The following TAS2R20 variants were observed in gnomAD, a reference collection of about 807,000 sequenced individuals.
TAS2R20 encodes taste 2 receptor member 20.
For synonymous variants in TAS2R20, 136 were observed against 127.1 expected (o/e 1.07, Z -0.47); for missense variants, 364 against 352.2 (o/e 1.03, Z -0.27).
Position 10,998,043 on chromosome 12 carries a change from A to G in TAS2R20, c.-168T>C, listed in dbSNP as rs1487225643. Among the ~76,000 whole-genome samples the G allele has an allele frequency of 6.6e-6, 1 of 152,208 alleles. No individual in the cohort carries two copies. The highest frequency in any genetic ancestry group is 1.5e-5 in the Non-Finnish European group (1 of 68,036). ...TGTCAACAGAAAAGCACCAGCTTAA[A>G]CTAATGAATGAGTTCAATGCTGCCT... On this transcript the variant is annotated 5_prime_UTR_variant, in exon 1 of 1. Coordinates refer to ENST00000538986, the MANE Select transcript of TAS2R20 (RefSeq NM_176889.4).
At position 10,996,967 on chromosome 12, in the gene TAS2R20, T is replaced by A. The variant is rs779955059; in HGVS notation, c.909A>T (p.Gly303=). 2 of 1,612,610 alleles carry A rather than the reference T, an allele frequency of 1.2e-6. No homozygotes were observed. Among genetic ancestry groups the A allele is most frequent in the African/African-American group, 2.7e-5 (2 of 74,840 alleles). Residue 303 remains glycine (G), a synonymous_variant, in exon 1 of 1, where the codon GGA becomes GGT. Transcript: ENST00000538986. ...VLWQVTCWAK[G]QNQSTP ...GAATCTATGGAGTTGACTGGTTCTG[T>A]CCTTTTGCCCAGCAAGTCACCTGCC...
chr12:10,997,756 C>T lies in TAS2R20; in HGVS notation c.120G>A (p.Lys40=), dbSNP rs968134548. The T allele has an allele frequency of 6.2e-7, 1 of 1,613,912 alleles. No individual in the cohort carries two copies. The highest frequency in any genetic ancestry group is 1.1e-5 in the South Asian group (1 of 91,062). ...CAATAATTTGATCAGCTGAGGAGAT[C>T]TTTTGTCTCTTGACCCAGGCAATGA... ...INFIAWVKRQ[K]ISSADQIIAA... Residue 40 remains lysine (K), a synonymous_variant, in exon 1 of 1, where the codon AAG becomes AAA. Transcript: ENST00000538986.
chr12:10,996,326 C>G lies in TAS2R20; in HGVS notation c.*620G>C, dbSNP rs1940233472. 1.3e-5 allele frequency among the ~76,000 whole-genome samples: 2 copies of G among 150,344 alleles called. No homozygotes were observed. Among genetic ancestry groups the G allele is most frequent in the Admixed American group, 1.3e-4 (2 of 15,086 alleles). On this transcript the variant is annotated 3_prime_UTR_variant, in exon 1 of 1. Transcript: ENST00000538986. Reference sequence around the variant, plus strand: ...CCTGGACAACAGGGCAAGACTCCATCTCAAAAAAAAGAAAAAAAGAATTCA... The same window carrying G: ...CCTGGACAACAGGGCAAGACTCCATGTCAAAAAAAAGAAAAAAAGAATTCA...
In TAS2R20 at chr12:10,996,700, G is replaced by A. The variant is rs1452923816; in HGVS notation, c.*246C>T. 3.3e-6 allele frequency: 1 copy of A among 299,014 alleles called. No individual in the cohort carries two copies. Among genetic ancestry groups the A allele is most frequent in the Non-Finnish European group, 5.9e-6 (1 of 168,202 alleles). The allele number at this position is 299,014 out of a possible 1,614,324, so 18.5% of individuals were successfully genotyped here. ...TATAACTGAACAGTTTATATGAAAA[G>A]TTGATTAAAGGTATGTTATGGTAAA... On this transcript the variant is annotated 3_prime_UTR_variant, in exon 1 of 1. Transcript: ENST00000538986.
chr12:10,997,790 A>C lies in TAS2R20; in HGVS notation c.86T>G (p.Leu29Arg). 1 of 1,613,756 alleles carries C rather than the reference A, an allele frequency of 6.2e-7. No homozygotes were observed. Reference protein sequence around the residue: ...LGNFANGFIALINFIAWVKRQ... With the variant: ...LGNFANGFIARINFIAWVKRQ... ...CTTGACCCAGGCAATGAAATTTATC[A>C]GTGCTATAAAGCCATTGGCAAAATT... is the stretch of plus-strand genomic sequence containing the variant. Residue 29 changes from leucine (L) to arginine (R), a missense_variant, in exon 1 of 1, where the codon CTG (leucine) becomes CGG (arginine). Transcript: ENST00000538986.
rs370204127 is a variant in TAS2R20 at position 10,997,567 on chromosome 12, G to A, written c.309C>T (p.Ser103=). 9 of 1,613,932 alleles carry A rather than the reference G, an allele frequency of 5.6e-6. No homozygotes were observed. The highest frequency in any genetic ancestry group is 1.3e-5 in the African/African-American group (1 of 74,924). The part of the protein sequence containing the change: ...HFSIWLATSL[S]IFYLLKIVNF... Reference sequence around the variant, plus strand: ...TGACGATCTTGAGCAAATAAAATATGCTGAGGCTAGTAGCAAGCCAGATGC... The same window carrying A: ...TGACGATCTTGAGCAAATAAAATATACTGAGGCTAGTAGCAAGCCAGATGC... The change falls in exon 1 of 1, where the codon AGC becomes AGT. Residue 103 remains serine (S), a synonymous_variant. Transcript: ENST00000538986.
Position 10,997,449 on chromosome 12 carries a change from G to A in TAS2R20, c.427C>T (p.His143Tyr), listed in dbSNP as rs1346047077. ...ATATACGTGTGTTTCATCACAAGGT[G>A]ACAAACCAAAAAGAACAAAGACCCC... ...VLGSLFFLVCHLVMKHTYINV... is the reference protein window; with the variant it reads ...VLGSLFFLVCYLVMKHTYINV... The change falls in exon 1 of 1, where the codon CAC becomes TAC. Residue 143 changes from histidine to tyrosine, a missense_variant. Coordinates refer to ENST00000538986, the MANE Select transcript of TAS2R20 (RefSeq NM_176889.4). The A allele has an allele frequency of 6.2e-7, 1 of 1,613,896 alleles. No homozygotes were observed. Among genetic ancestry groups the A allele is most frequent in the Admixed American group, 1.7e-5 (1 of 59,950 alleles).
rs558939586 is a variant in TAS2R20 at position 10,997,132 on chromosome 12, C to G, written c.744G>C (p.Ser248=). The G allele has an allele frequency of 6.8e-6, 11 of 1,614,020 alleles. No individual in the cohort carries two copies. The East Asian group carries it at 2.0e-4, about 29-fold the overall frequency. Residue 248 remains serine, a synonymous_variant, in exon 1 of 1, where the codon TCG becomes TCC. Coordinates refer to ENST00000538986, the MANE Select transcript of TAS2R20 (RefSeq NM_176889.4). ...LAIYFLCLII[S]FWNFKMRPKE... ...TTGGTCGCATCTTAAAATTCCAAAA[C>G]GATATGATTAGACACAGAAAGTAAA...
At position 10,997,434 on chromosome 12, in the gene TAS2R20, G is replaced by T. The variant is rs12226919; in HGVS notation, c.442C>A (p.His148Asn). The change falls in exon 1 of 1, where the codon CAC (histidine) becomes AAC (asparagine). Residue 148 changes from histidine to asparagine, a missense_variant. Transcript: ENST00000538986. ...TCTGTCCACACATTTATATACGTGT[G>T]TTTCATCACAAGGTGACAAACCAAA... ...FFLVCHLVMK[H>N]TYINVWTEEC... 0.36 allele frequency: 575,662 copies of T among 1,613,336 alleles called. 113,912 individuals are homozygous for T. Among genetic ancestry groups the T allele is most frequent in the East Asian group, 0.75 (33,501 of 44,848 alleles).
At position 10,996,673 on chromosome 12, in the gene TAS2R20, G is replaced by T; in HGVS notation, c.*273C>A. On this transcript the variant is annotated 3_prime_UTR_variant, in exon 1 of 1. Coordinates refer to ENST00000538986, the MANE Select transcript of TAS2R20 (RefSeq NM_176889.4). ...TCTGAGAAATTTCTTATCCTACTTTGGTATAACTGAACAGTTTATATGAAA... is the reference window on the plus strand; with the variant it reads ...TCTGAGAAATTTCTTATCCTACTTTTGTATAACTGAACAGTTTATATGAAA... 1 of 250,290 alleles carries T rather than the reference G, an allele frequency of 4.0e-6. No individual in the cohort carries two copies. The highest frequency in any genetic ancestry group is 7.4e-6 in the Non-Finnish European group (1 of 136,014). 15.5% of individuals were successfully genotyped at this position (250,290 alleles called of 1,614,324 possible).
the TAS2R20 span, chr12:10,997,027 G>GT: frequency 6.2e-7 from 1 of 1,614,040 alleles, no homozygotes; most frequent in South Asian, 1.1e-5. Context: ...TTAGCGTCTT[G>GT]TTCCCCCAAA....
At position 10,996,106 on chromosome 12, in the gene TAS2R20, A is replaced by G. The variant is rs541437850; in HGVS notation, c.*840T>C. Among the ~76,000 whole-genome samples, 4 of 151,914 alleles carry G rather than the reference A, an allele frequency of 2.6e-5. No individual in the cohort carries two copies. The highest frequency in any genetic ancestry group is 4.4e-5 in the Non-Finnish European group (3 of 67,978). On this transcript the variant is annotated 3_prime_UTR_variant, in exon 1 of 1. Coordinates refer to ENST00000538986, the MANE Select transcript of TAS2R20 (RefSeq NM_176889.4). ...CTGAGGCAGTGGATCACTTGAGGTC[A>G]AGAGTTCGAGACCAGCCTGGCCAGC... is the stretch of plus-strand genomic sequence containing the variant.
In TAS2R20 at chr12:10,996,328, C is replaced by CA. The variant is rs1276896243; in HGVS notation, c.*617dup. 1.9e-4 allele frequency among the ~76,000 whole-genome samples: 27 copies of CA among 145,434 alleles called. No individual in the cohort carries two copies. The East Asian group carries it at 4.8e-3, about 26-fold the overall frequency. ...TGGACAACAGGGCAAGACTCCATCTCAAAAAAAAGAAAAAAAGAATTCATG... is the reference window on the plus strand; with the variant it reads ...TGGACAACAGGGCAAGACTCCATCTCAAAAAAAAAGAAAAAAAGAATTCATG... On this transcript the variant is annotated 3_prime_UTR_variant, in exon 1 of 1. Transcript: ENST00000538986.
rs1940304712 is a variant in TAS2R20, at chr12:10,997,185, C to G, written c.691G>C (p.Val231Leu). The G allele has an allele frequency of 6.2e-7, 1 of 1,613,910 alleles. No homozygotes were observed. The highest frequency in any genetic ancestry group is 1.3e-5 in the African/African-American group (1 of 74,896). Residue 231 changes from valine (V) to leucine (L), a missense_variant, in exon 1 of 1, where the codon GTG becomes CTG. Transcript: ENST00000538986. ...TKIHIKALQT[V>L]TSFLILLAIY... is the part of the protein sequence containing the mutation. ...GCAAGTAATATGAGGAAGGAGGTCA[C>G]AGTTTGCAGAGCTTTTATGTGGATC...
At position 10,996,829 on chromosome 12, in the gene TAS2R20, A is replaced by G. The variant is rs865870732; in HGVS notation, c.*117T>C. ...TTAGGTAAAAGACTTTTCTATGTCAACTTTTGGAAATTACTCAAATACATA... is the reference window on the plus strand; with the variant it reads ...TTAGGTAAAAGACTTTTCTATGTCAGCTTTTGGAAATTACTCAAATACATA... On this transcript the variant is annotated 3_prime_UTR_variant, in exon 1 of 1. Transcript: ENST00000538986. 5.7e-5 allele frequency: 53 copies of G among 925,462 alleles called. No individual in the cohort carries two copies. Among genetic ancestry groups the G allele is most frequent in the Middle Eastern group, 5.5e-4 (2 of 3,628 alleles). The allele number at this position is 925,462 out of a possible 1,614,324, so 57.3% of individuals were successfully genotyped here.
rs1940208051 is a variant in TAS2R20, at chr12:10,996,005, A to G, written c.*941T>C. 6.6e-6 allele frequency among the ~76,000 whole-genome samples: 1 copy of G among 152,122 alleles called. No individual in the cohort carries two copies. The highest frequency in any genetic ancestry group is 1.5e-5 in the Non-Finnish European group (1 of 68,022). On this transcript the variant is annotated 3_prime_UTR_variant, in exon 1 of 1. Transcript: ENST00000538986. ...TTATTTTGTGCATTGTTATCTAACA[A>G]TAATTGTATTTGCTTTATATTAAAC...
Position 10,998,214 on chromosome 12 carries a change from C to A in TAS2R20, c.-339G>T, listed in dbSNP as rs1366077131. Among the ~76,000 whole-genome samples, 1 of 152,094 alleles carries A rather than the reference C, an allele frequency of 6.6e-6. No individual in the cohort carries two copies. Among genetic ancestry groups the A allele is most frequent in the Non-Finnish European group, 1.5e-5 (1 of 68,004 alleles). ...TGCTAGCATTCAAATAAAGACATATCCTCTTTCATTGCTTTGCAATTTTTT... is the reference window on the plus strand; with the variant it reads ...TGCTAGCATTCAAATAAAGACATATACTCTTTCATTGCTTTGCAATTTTTT... On this transcript the variant is annotated 5_prime_UTR_variant, in exon 1 of 1. Transcript: ENST00000538986.
Position 10,996,823 on chromosome 12 carries a change from A to G in TAS2R20, c.*123T>C. 2 of 809,610 alleles carry G rather than the reference A, an allele frequency of 2.5e-6. No individual in the cohort carries two copies. Among genetic ancestry groups the G allele is most frequent in the Non-Finnish European group, 3.6e-6 (2 of 557,264 alleles). 50.2% of individuals were successfully genotyped at this position (809,610 alleles called of 1,614,324 possible). ...ATAAACTTAGGTAAAAGACTTTTCT[A>G]TGTCAACTTTTGGAAATTACTCAAA... On this transcript the variant is annotated 3_prime_UTR_variant, in exon 1 of 1. Transcript: ENST00000538986.
chr12:10,997,532 C>A lies in TAS2R20; in HGVS notation c.344G>T (p.Arg115Ile). The change falls in exon 1 of 1, where the codon AGA (arginine) becomes ATA (isoleucine). Residue 115 changes from arginine to isoleucine, a missense_variant. Arg to Ile is a moderately conservative substitution (Grantham distance 97). Coordinates refer to ENST00000538986, the MANE Select transcript of TAS2R20 (RefSeq NM_176889.4). ...CCTTTTTAAGTGATGAAAAATAAGTCTGGAGAAATTGACGATCTTGAGCAA... is the reference window on the plus strand; with the variant it reads ...CCTTTTTAAGTGATGAAAAATAAGTATGGAGAAATTGACGATCTTGAGCAA... ...FYLLKIVNFS[R>I]LIFHHLKRKA... 1 of 1,613,972 alleles carries A rather than the reference C, an allele frequency of 6.2e-7. No individual in the cohort carries two copies. The highest frequency in any genetic ancestry group is 8.5e-7 in the Non-Finnish European group (1 of 1,179,960).
Sources: allele counts gnomAD v4.1 joint callset (sites outside exome capture counted in the v4.1 genomes callset), GRCh38; gene constraint gnomAD v4.1.1; transcripts MANE v1.5; gene names NCBI Gene and HGNC (gene_info 2026-07-23, HGNC 2026-07-21).